The following QKI variants were observed in gnomAD, a reference collection of about 807,000 sequenced individuals.
The protein encoded by QKI is QKI, KH domain containing RNA binding, also known as KH domain-containing RNA-binding protein QKI.
In QKI, 10 loss-of-function variants were observed where a neutral mutation model predicts 39.0. That is an observed-to-expected ratio of 0.26 (90% confidence interval 0.16 to 0.43). QKI has a LOEUF of 0.43. Ranked by LOEUF, QKI falls within the 20% of genes least tolerant of loss-of-function variation. The probability of loss-of-function intolerance (pLI) is 1.00; values close to 1 mark genes in which losing one functional copy is unlikely to be tolerated. For synonymous variants in QKI, 204 were observed against 155.4 expected (o/e 1.31, Z -2.33); for missense variants, 218 against 428.0 (o/e 0.51, Z 4.33).
intron 6 of QKI, 106 bp from the exon 7 acceptor site, chr6:163,566,615 G>T (rs1435977386): frequency 1.9e-6 from 3 of 1,543,598 alleles, no homozygotes; most frequent in South Asian, 1.2e-5. Context: ...TTAAACTTTT[G>T]TAGTAAATGA....
At chr6:163,567,045 ATAAAT>A in intron 7 of QKI, 1 of 1,116,036 alleles carries the variant, frequency 9.0e-7, no homozygotes, top group Non-Finnish European at 1.1e-6. Context: ...CTACTAAAAC[ATAAAT>A]TAGTCAATTT....
chr6:163,528,551 G>A (rs1780656816), intron 3 of QKI, among the ~76,000 whole-genome samples: 1 of 152,206 alleles, frequency 6.6e-6, no homozygotes, highest in Non-Finnish European at 1.5e-5. Context: ...GATTGAATGA[G>A]GTGATGTATT....
At chr6:163,436,487 C>T (rs1403158269) in intron 1 of QKI, among the ~76,000 whole-genome samples, 1 of 152,040 alleles carries the variant, frequency 6.6e-6, no homozygotes, top group Admixed American at 6.6e-5. Flanking sequence ...CAGGGAACAA[C>T]TTACTGAGGT....
chr6:163,566,662 G>A, intron 6 of QKI, 59 bp from the exon 7 acceptor site: 1 of 1,594,566 alleles, frequency 6.3e-7, no homozygotes. Flanking sequence ...TGCTGTTAAT[G>A]TTTTTTCCCC....
chr6:163,545,495 C>T (rs918113621), intron 4 of QKI, among the ~76,000 whole-genome samples: 1 of 152,092 alleles, frequency 6.6e-6, no homozygotes. Flanking sequence ...TCTTTGCTTA[C>T]CGTCTGTCCA....
chr6:163,529,769 A>G (rs1442171965), intron 3 of QKI, among the ~76,000 whole-genome samples: 1 of 152,228 alleles, frequency 6.6e-6, no homozygotes, highest in Non-Finnish European at 1.5e-5. Flanking sequence ...AAGCACAAGT[A>G]AGCCATGACT....
At chr6:163,485,871 T>C (rs1007539011) in intron 3 of QKI, among the ~76,000 whole-genome samples, 1 of 152,222 alleles carries the variant, frequency 6.6e-6, no homozygotes, top group Non-Finnish European at 1.5e-5. Flanking sequence ...TGGACCACAT[T>C]GGAAGATGAC....
chr6:163,570,444 G>A (rs1331329525), intron 7 of QKI: 1 of 852,424 alleles, frequency 1.2e-6, no homozygotes, highest in South Asian at 5.5e-5. Context: ...TTGTTAACCA[G>A]TTTTTTTTTT....
intron 3 of QKI, among the ~76,000 whole-genome samples, chr6:163,518,260 A>G (rs1170569746): frequency 6.6e-6 from 1 of 152,186 alleles, no homozygotes; most frequent in Non-Finnish European, 1.5e-5. Flanking sequence ...CTTATTCAAC[A>G]GACTTCAAAA....
chr6:163,447,249 A>ATTTTTTTTTTTTTTTTTTTTTTTTTGTTT (rs4038332), intron 1 of QKI, among the ~76,000 whole-genome samples: 1 of 120,188 alleles, frequency 8.3e-6, no homozygotes, highest in Admixed American at 8.5e-5. Context: ...GGTGCACGTG[A>ATTTTTTTTTTTTTTTTTTTTTTTTTGTTT]TTTTTTTTTT....
Position 163,415,143 on chromosome 6 carries a change from C to CCTG in QKI, c.-50_-49insTGC. On this transcript the variant is annotated 5_prime_UTR_variant, in exon 1 of 8. Transcript: ENST00000361752. ...GCTCGCCCCCGCCCCTCCCTCCTCT[C>CCTG]CGGCGGCGGCGGCGGCGGCGGCGGG... is the stretch of plus-strand genomic sequence containing the variant. 7.4e-7 allele frequency: 1 copy of CCTG among 1,357,090 alleles called. No homozygotes were observed. Among genetic ancestry groups the CCTG allele is most frequent in the Non-Finnish European group, 9.7e-7 (1 of 1,030,414 alleles). The allele number at this position is 1,357,090 out of a possible 1,614,324, so 84.1% of individuals were successfully genotyped here.
chr6:163,443,221 T>C (rs541335546), intron 1 of QKI, among the ~76,000 whole-genome samples: 1 of 152,336 alleles, frequency 6.6e-6, no homozygotes, highest in African/African-American at 2.4e-5. Context: ...TCAATGTCAG[T>C]GCTTGTTGTA....
intron 1 of QKI, among the ~76,000 whole-genome samples, chr6:163,421,451 C>G (rs371236943): frequency 7.1e-4 from 108 of 152,224 alleles, no homozygotes; most frequent in African/African-American, 2.5e-3. Flanking sequence ...CGTTAGTTAC[C>G]CTTTTAAAAG....
intron 1 of QKI, among the ~76,000 whole-genome samples, chr6:163,435,564 T>C (rs1789196078): frequency 6.6e-6 from 1 of 152,216 alleles, no homozygotes; most frequent in East Asian, 1.9e-4. Context: ...GAGTATTCTA[T>C]TTAAGTGTTA....
At chr6:163,435,610 C>T (rs1789200488) in intron 1 of QKI, among the ~76,000 whole-genome samples, 1 of 152,042 alleles carries the variant, frequency 6.6e-6, no homozygotes, top group African/African-American at 2.4e-5. Context: ...ACATTAAAGC[C>T]TTTAGCACAT....
intron 3 of QKI, among the ~76,000 whole-genome samples, chr6:163,531,156 G>A (rs779473099): frequency 5.3e-5 from 8 of 152,024 alleles, no homozygotes; most frequent in African/African-American, 1.9e-4. Flanking sequence ...TTTTTAAATA[G>A]AGCATTCTTG....
intron 4 of QKI, among the ~76,000 whole-genome samples, chr6:163,541,234 T>G (rs1309393394): frequency 6.6e-6 from 1 of 152,088 alleles, no homozygotes; most frequent in Non-Finnish European, 1.5e-5. Context: ...TGAGCCGTGT[T>G]TTATTTCCAA....
At chr6:163,497,942 C>T (rs943643400) in intron 3 of QKI, among the ~76,000 whole-genome samples, 1 of 152,022 alleles carries the variant, frequency 6.6e-6, no homozygotes, top group Non-Finnish European at 1.5e-5. Context: ...TACTAGCTAT[C>T]ATGGGATTTG....
At chr6:163,453,703 T>C (rs985387903) in intron 1 of QKI, among the ~76,000 whole-genome samples, 1 of 152,162 alleles carries the variant, frequency 6.6e-6, no homozygotes, top group Non-Finnish European at 1.5e-5. Flanking sequence ...TCTGCCCTTA[T>C]CATGTAGTCA....
Sources: allele counts gnomAD v4.1 joint callset (sites outside exome capture counted in the v4.1 genomes callset), GRCh38; gene constraint gnomAD v4.1.1; transcripts MANE v1.5; gene names NCBI Gene and HGNC (gene_info 2026-07-23, HGNC 2026-07-21).